Variants in ATP11C observed in about 807,000 individuals in gnomAD.
ATP11C encodes ATPase phospholipid transporting 11C (ATP11C blood group), also known as phospholipid-transporting ATPase IG.
In ATP11C, 36 loss-of-function variants were observed where a neutral mutation model predicts 97.4. The observed-to-expected ratio is 0.37, with a 90% CI of 0.28 to 0.49. The LOEUF is 0.49. Ranked by LOEUF, ATP11C falls within the 20% of genes least tolerant of loss-of-function variation. ATP11C has a pLI of 0.98. For synonymous variants in ATP11C, 275 were observed against 290.9 expected (o/e 0.95, Z 0.56); for missense variants, 730 against 824.6 (o/e 0.89, Z 1.40).
intron 5 of ATP11C, 76 bp downstream of exon 5, chrX:139,814,802 C>T (rs1232632629): frequency 3.6e-6 from 2 of 551,631 alleles, no homozygotes; most frequent in African/African-American, 4.9e-5. Context: ...TTATAAAGTA[C>T]TAAATGACAC....
At chrX:139,737,699 T>C in intron 28 of ATP11C, 1 of 470,522 alleles carries the variant, frequency 2.1e-6, no homozygotes. Flanking sequence ...TTGCCGAAGG[T>C]CACATAGAAC....
At chrX:139,742,875 AAATATATATAT>A (rs1392375424) in intron 26 of ATP11C, among the ~76,000 whole-genome samples, 60 of 25,976 alleles carry the variant, frequency 2.3e-3, no homozygotes, top group Admixed American at 1.4e-3. Context: ...AAAAAAAAAA[AAATATATATAT>A]ATATATATAT....
chrX:139,894,938 C>T (rs1357467536), intron 1 of ATP11C, among the ~76,000 whole-genome samples: 1 of 111,606 alleles, frequency 9.0e-6, no homozygotes, highest in African/African-American at 3.3e-5. Context: ...CACCTGTAAT[C>T]CCAGCTACTC....
At chrX:139,815,815 A>AT (rs753834517) in intron 4 of ATP11C, among the ~76,000 whole-genome samples, 10 of 110,409 alleles carry the variant, frequency 9.1e-5, no homozygotes, top group Non-Finnish European at 1.9e-4. Context: ...CTCAGGTACT[A>AT]TATCCATTCT....
At chrX:139,837,000 A>G (rs1416809053) in intron 1 of ATP11C, among the ~76,000 whole-genome samples, 2 of 111,070 alleles carry the variant, frequency 1.8e-5, no homozygotes, top group Admixed American at 9.6e-5. Flanking sequence ...AAATGAAAAC[A>G]CACACACACA....
intron 1 of ATP11C, among the ~76,000 whole-genome samples, chrX:139,860,732 C>T (rs1023810865): frequency 1.8e-5 from 2 of 111,944 alleles, no homozygotes; most frequent in Admixed American, 9.5e-5. Flanking sequence ...GCAGAAGAAT[C>T]GCTTGAACCC....
intron 2 of ATP11C, among the ~76,000 whole-genome samples, chrX:139,824,123 C>CAAAAA (rs774186718): frequency 1.7e-5 from 1 of 59,290 alleles, no homozygotes; most frequent in Non-Finnish European, 3.3e-5. Context: ...CTAAAAATAC[C>CAAAAA]AAAAAAAAAA....
intron 1 of ATP11C, among the ~76,000 whole-genome samples, chrX:139,861,753 GATA>G (rs760061528): frequency 1.3e-3 from 135 of 100,501 alleles, no homozygotes; most frequent in Non-Finnish European, 2.3e-3. Context: ...TGTAGTCCTA[GATA>G]ATAATCCTGT....
intron 1 of ATP11C, among the ~76,000 whole-genome samples, chrX:139,853,636 C>T (rs1176097625): frequency 1.8e-5 from 2 of 110,118 alleles, no homozygotes; most frequent in African/African-American, 6.6e-5. Context: ...TAAACAAGGA[C>T]GTAGCCCGAA....
chrX:139,835,855 C>T (rs908695301), intron 1 of ATP11C, among the ~76,000 whole-genome samples: 12 of 104,156 alleles, frequency 1.2e-4, no homozygotes, highest in Non-Finnish European at 2.2e-4. Flanking sequence ...GGCAAAACTC[C>T]GTCTCTACTA....
At chrX:139,861,769 T>A (rs1284054176) in intron 1 of ATP11C, among the ~76,000 whole-genome samples, 1 of 101,319 alleles carries the variant, frequency 9.9e-6, no homozygotes, top group Non-Finnish European at 2.0e-5. Flanking sequence ...AATCCTGTTA[T>A]ACACACACAC....
intron 1 of ATP11C, among the ~76,000 whole-genome samples, chrX:139,907,526 A>G (rs1219801851): frequency 1.8e-5 from 2 of 110,993 alleles, no homozygotes; most frequent in East Asian, 2.8e-4. Context: ...AGCGGGGCAC[A>G]TCACGAGGTC....
intron 1 of ATP11C, among the ~76,000 whole-genome samples, chrX:139,915,254 A>G: frequency 8.9e-6 from 1 of 112,114 alleles, no homozygotes; most frequent in Admixed American, 9.5e-5. Flanking sequence ...GGTACCCCCT[A>G]AAGTTGCAAT....
chrX:139,933,829 C>T (rs2085489930), upstream of ATP11C, among the ~76,000 whole-genome samples: 1 of 112,504 alleles, frequency 8.9e-6, no homozygotes, highest in South Asian at 3.6e-4. Context: ...TTGTACCAGG[C>T]ACTGTGCCAG....
intron 1 of ATP11C, among the ~76,000 whole-genome samples, chrX:139,887,356 A>C (rs2084659343): frequency 8.9e-6 from 1 of 112,130 alleles, no homozygotes; most frequent in Non-Finnish European, 1.9e-5. Context: ...GAGGCCAGGC[A>C]CAGTGGCTCA....
At chrX:139,872,651 T>C (rs1234945612) in intron 1 of ATP11C, among the ~76,000 whole-genome samples, 3 of 110,969 alleles carry the variant, frequency 2.7e-5, no homozygotes, top group Non-Finnish European at 5.7e-5. Flanking sequence ...CTCAGAATGA[T>C]GGTTTCCAGC....
At chrX:139,858,458 T>A (rs1444189941) in intron 1 of ATP11C, among the ~76,000 whole-genome samples, 6 of 111,888 alleles carry the variant, frequency 5.4e-5, no homozygotes, top group Non-Finnish European at 9.4e-5. Context: ...CTACATGTTC[T>A]CCCTGGGTTT....
chrX:139,741,167 A>G, intron 26 of ATP11C, 73 bp from the exon 27 acceptor site: 3 of 623,891 alleles, frequency 4.8e-6, no homozygotes, highest in Non-Finnish European at 8.0e-6. Flanking sequence ...AGTATCTGAT[A>G]ACTAGTACAC....
At chrX:139,745,664 G>A in intron 25 of ATP11C, 58 bp downstream of exon 25, 2 of 1,143,384 alleles carry the variant, frequency 1.7e-6, no homozygotes, top group Non-Finnish European at 2.3e-6. Context: ...CAGCACCTAT[G>A]GGAAAAAGAC....
Sources: gnomAD v4.1 joint callset for allele counts (sites outside exome capture counted in the v4.1 genomes callset) on GRCh38, gnomAD v4.1.1 for gene constraint, MANE v1.5 for transcripts, NCBI Gene and HGNC (gene_info 2026-07-23, HGNC 2026-07-21) for gene names.